Variants in SUGCT observed in about 807,000 individuals in gnomAD.
SUGCT encodes the protein succinyl-CoA:glutarate CoA-transferase.
A neutral mutation model predicts 55.0 loss-of-function variants in SUGCT; 41 were observed. That is an observed-to-expected ratio of 0.74 (90% CI 0.58 to 0.97). SUGCT has a LOEUF of 0.97. Ranked by LOEUF, SUGCT falls within the 50% of genes least tolerant of loss-of-function variation. SUGCT has a pLI of 0.00. For missense variants in SUGCT, 568 were observed against 547.8 expected, an observed-to-expected ratio of 1.04 and a Z score of -0.37; for synonymous variants, 187 against 200.4, an observed-to-expected ratio of 0.93 and a Z score of 0.56.
chr7:40,970,181 T>G, the SUGCT span, among the ~76,000 whole-genome samples: 1 of 152,186 alleles, frequency 6.6e-6, no homozygotes, highest in Non-Finnish European at 1.5e-5. Context: ...GTTTTTCTTT[T>G]TTTTTTCTGA....
chr7:40,754,999 A>G (rs1788184807), intron 13 of SUGCT, among the ~76,000 whole-genome samples: 1 of 152,208 alleles, frequency 6.6e-6, no homozygotes, highest in Non-Finnish European at 1.5e-5. Context: ...AGATACATGA[A>G]CAATGTGAGT....
chr7:40,900,037 C>T, the SUGCT span, among the ~76,000 whole-genome samples: 3 of 152,166 alleles, frequency 2.0e-5, no homozygotes, highest in African/African-American at 7.2e-5. Flanking sequence ...GCACAAGGAC[C>T]CCCACCTCCT....
At chr7:40,720,120 C>G (rs1432854403) in intron 12 of SUGCT, among the ~76,000 whole-genome samples, 1 of 152,130 alleles carries the variant, frequency 6.6e-6, no homozygotes, top group Non-Finnish European at 1.5e-5. Context: ...AGTCATAAAC[C>G]TAGATTCTAG....
chr7:40,844,988 T>C (rs1458360440), intron 13 of SUGCT, among the ~76,000 whole-genome samples: 2 of 152,222 alleles, frequency 1.3e-5, no homozygotes, highest in East Asian at 1.9e-4. Flanking sequence ...TTTAGTTCTA[T>C]ATTTCACATA....
Position 40,316,953 on chromosome 7 carries a change from C to CGGTTT in SUGCT, c.816+98_816+99insGGTTT, listed in dbSNP as rs1795466574. 3.8e-5 allele frequency: 7 copies of CGGTTT among 183,952 alleles called. No homozygotes were observed. In the Admixed American group the frequency reaches 4.0e-4, roughly 11 times the overall value. The allele number at this position is 183,952 out of a possible 1,614,324, so 11.4% of individuals were successfully genotyped here. A position where few individuals can be genotyped will look rare whatever the true frequency, so the allele number is the denominator to read the frequency against. The stretch of plus-strand genomic sequence containing the variant: ...TTCTTTTTATACACAAATCCTTCAG[C>CGGTTT]TGTTTTTTTTTTTTTTTTTTGTAAT... On this transcript the variant is annotated intron_variant, in intron 9 of 13. Coordinates refer to ENST00000335693, the MANE Select transcript of SUGCT (RefSeq NM_001193313.2).
the SUGCT span, among the ~76,000 whole-genome samples, chr7:40,944,126 T>G: frequency 6.6e-6 from 1 of 152,186 alleles, no homozygotes; most frequent in African/African-American, 2.4e-5. Flanking sequence ...TTGATGGGGT[T>G]GTTTGTTTTT....
At chr7:40,695,627 G>A (rs1394927678) in intron 12 of SUGCT, among the ~76,000 whole-genome samples, 3 of 152,116 alleles carry the variant, frequency 2.0e-5, no homozygotes, top group Non-Finnish European at 4.4e-5. Flanking sequence ...AACTACAATA[G>A]CAAATATTAC....
intron 12 of SUGCT, among the ~76,000 whole-genome samples, chr7:40,725,524 C>T (rs1462358707): frequency 6.6e-6 from 1 of 151,788 alleles, no homozygotes; most frequent in Non-Finnish European, 1.5e-5. Flanking sequence ...AGGTGGCCAA[C>T]ATAACACATT....
At chr7:40,232,382 C>A (rs1052593967) in intron 6 of SUGCT, among the ~76,000 whole-genome samples, 1 of 152,168 alleles carries the variant, frequency 6.6e-6, no homozygotes, top group African/African-American at 2.4e-5. Flanking sequence ...TGACTCTTAA[C>A]CCAGGGCAAC....
intron 12 of SUGCT, among the ~76,000 whole-genome samples, chr7:40,567,003 C>T (rs999830911): frequency 3.3e-5 from 5 of 152,292 alleles, no homozygotes; most frequent in African/African-American, 1.2e-4. Context: ...TATTCCCTCG[C>T]CTGTCCCCCC....
intron 12 of SUGCT, among the ~76,000 whole-genome samples, chr7:40,519,456 T>C (rs184069411): frequency 6.6e-6 from 1 of 152,156 alleles, no homozygotes; most frequent in Admixed American, 6.6e-5. Context: ...TCAACTCTTC[T>C]GTGTGTCTGC....
intron 12 of SUGCT, among the ~76,000 whole-genome samples, chr7:40,714,331 A>C (rs1182629213): frequency 6.6e-6 from 1 of 152,204 alleles, no homozygotes; most frequent in Admixed American, 6.5e-5. Flanking sequence ...CTCTCAAAAA[A>C]ACAAACAAAA....
At chr7:40,602,194 T>C (rs1296121824) in intron 12 of SUGCT, among the ~76,000 whole-genome samples, 1 of 152,158 alleles carries the variant, frequency 6.6e-6, no homozygotes, top group Non-Finnish European at 1.5e-5. Context: ...ACTTAAGCCA[T>C]GGGAAAAACC....
rs562289886 is a variant in SUGCT at position 40,242,425 on chromosome 7, G to A, written c.576+4699G>A. ...GACCTCAAGTGATTCGCCCACTTCG[G>A]CCTCCCAAAGTGCTGGGATTACAGG... On this transcript the variant is annotated intron_variant, in intron 7 of 13. Transcript: ENST00000335693. Among the ~76,000 whole-genome samples the A allele has an allele frequency of 3.9e-5, 6 of 152,120 alleles. No individual in the cohort carries two copies. The South Asian group carries it at 1.2e-3, about 32-fold the overall frequency.
At chr7:40,889,484 A>C in the SUGCT span, among the ~76,000 whole-genome samples, 374 of 152,274 alleles carry the variant, frequency 2.5e-3, 2 homozygotes, top group African/African-American at 8.7e-3. Flanking sequence ...AGTAGTTCCC[A>C]GGGGCCTTTT....
intron 12 of SUGCT, among the ~76,000 whole-genome samples, chr7:40,694,618 C>A (rs1184866372): frequency 6.6e-6 from 1 of 152,176 alleles, no homozygotes; most frequent in African/African-American, 2.4e-5. Flanking sequence ...AAGTGATTCA[C>A]GTTGTTAGTG....
chr7:40,436,010 CT>C (rs1403258292), intron 9 of SUGCT, among the ~76,000 whole-genome samples: 1 of 146,670 alleles, frequency 6.8e-6, no homozygotes, highest in African/African-American at 2.5e-5. Context: ...GTGGCACAAT[CT>C]CAGCTCACTG....
rs35073564 is a variant in SUGCT, at chr7:40,227,043, CTT to C, written c.485-10572_485-10571del. On this transcript the variant is annotated intron_variant, in intron 6 of 13. Coordinates refer to ENST00000335693, the MANE Select transcript of SUGCT (RefSeq NM_001193313.2). ...AAGTAGAGAGAATAGTTTAATAGAT[CTT>C]TTTTTTTTTTTTTTTTTTTGAGACA... 2.1e-4 allele frequency among the ~76,000 whole-genome samples: 20 copies of C among 96,238 alleles called. No homozygotes were observed. The East Asian group carries it at 2.4e-3, about 12-fold the overall frequency. The allele number at this position is 96,238 out of a possible 152,430, so 63.1% of individuals were successfully genotyped here.
intron 1 of SUGCT, among the ~76,000 whole-genome samples, chr7:40,147,266 G>A (rs1441971359): frequency 6.6e-6 from 1 of 151,288 alleles, no homozygotes; most frequent in Admixed American, 6.6e-5. Flanking sequence ...AGGTTTGTGT[G>A]AGGTTCAACC....
Sources: allele counts gnomAD v4.1 joint callset (sites outside exome capture counted in the v4.1 genomes callset), GRCh38; gene constraint gnomAD v4.1.1; transcripts MANE v1.5; gene names NCBI Gene and HGNC (gene_info 2026-07-23, HGNC 2026-07-21).